Variants in KCNT1 observed in about 807,000 individuals in gnomAD.
KCNT1 encodes the protein potassium sodium-activated channel subfamily T member 1.
Under a neutral mutation model 147.8 loss-of-function variants are expected in KCNT1, and 78 were observed. The observed-to-expected ratio is 0.53, with a 90% CI of 0.44 to 0.64. The LOEUF (loss-of-function observed/expected upper bound fraction) is 0.64, where lower values mean the gene tolerates loss of function less well. Ranked by LOEUF, KCNT1 falls within the 30% of genes least tolerant of loss-of-function variation. The pLI, the probability that KCNT1 is intolerant of heterozygous loss-of-function variation, is 0.00. For missense variants in KCNT1, 1,419 were observed against 1,750.3 expected (o/e 0.81, Z 3.38); for synonymous variants, 867 against 748.8 (o/e 1.16, Z -2.58).
At chr9:135,737,634 G>T (rs1309868276) in intron 2 of KCNT1, among the ~76,000 whole-genome samples, 1 of 151,870 alleles carries the variant, frequency 6.6e-6, no homozygotes, top group African/African-American at 2.4e-5. Context: ...AGATGGGCAG[G>T]GGCCTTCCAG....
chr9:135,774,917 C>T (rs528429620), intron 19 of KCNT1, among the ~76,000 whole-genome samples: 2 of 152,162 alleles, frequency 1.3e-5, no homozygotes, highest in Admixed American at 6.5e-5. Flanking sequence ...CCTCCAGTCC[C>T]CCAAGGCCCT....
chr9:135,780,741 G>A (rs919273095), intron 24 of KCNT1, among the ~76,000 whole-genome samples: 2 of 152,160 alleles, frequency 1.3e-5, no homozygotes, highest in African/African-American at 2.4e-5. Context: ...CGGCTCAGCC[G>A]GCAGAGGGGT....
chr9:135,744,297 C>T (rs1256392368), intron 2 of KCNT1, among the ~76,000 whole-genome samples: 2 of 152,250 alleles, frequency 1.3e-5, no homozygotes, highest in East Asian at 1.9e-4. Flanking sequence ...TGTCACAGGG[C>T]GGCCGGCACT....
chr9:135,712,040 A>C (rs562303662), intron 1 of KCNT1, among the ~76,000 whole-genome samples: 1 of 152,326 alleles, frequency 6.6e-6, no homozygotes, highest in African/African-American at 2.4e-5. Context: ...ATGGGCCAGG[A>C]CTGAACTCAT....
intron 27 of KCNT1, 23 bp downstream of exon 27, chr9:135,784,912 G>A: frequency 6.2e-7 from 1 of 1,609,510 alleles, no homozygotes; most frequent in South Asian, 1.1e-5. Flanking sequence ...CCTGGGGGCT[G>A]GGACTGTGGC....
chr9:135,777,531 C>CCCACCCCGCCCACCCGGGCCCTCAGA, intron 21 of KCNT1, 21 bp downstream of exon 21: 1 of 1,554,088 alleles, frequency 6.4e-7, no homozygotes, highest in Non-Finnish European at 8.8e-7. Context: ...TGGGGCTCAG[C>CCCACCCCGCCCACCCGGGCCCTCAGA]CCACCCCGCC....
intron 1 of KCNT1, among the ~76,000 whole-genome samples, chr9:135,708,548 C>CAA (rs1564310373): frequency 3.3e-5 from 5 of 152,102 alleles, no homozygotes; most frequent in Non-Finnish European, 7.3e-5. Flanking sequence ...CAGTCACAAT[C>CAA]TTTTTTTGTT....
chr9:135,770,843 G>A lies in KCNT1; in HGVS notation c.1770-14G>A, dbSNP rs756948128. The A allele has an allele frequency of 1.6e-5, 25 of 1,555,224 alleles. No homozygotes were observed. Among genetic ancestry groups the A allele is most frequent in the East Asian group, 2.4e-5 (1 of 41,504 alleles). On this transcript the variant is annotated splice_polypyrimidine_tract_variant and intron_variant, in intron 17 of 30. Transcript: ENST00000371757. ...TGAGCGGCGGTACCTGAAGTTGCCG[G>A]TGCCTCTGCCCAGGTATGGCGTGTG...
At chr9:135,732,036 A>AGAGGGAGAGAGAGAGG (rs1836502675) in intron 2 of KCNT1, among the ~76,000 whole-genome samples, 6 of 137,254 alleles carry the variant, frequency 4.4e-5, no homozygotes, top group Non-Finnish European at 9.6e-5. Flanking sequence ...AGAGAGAGAG[A>AGAGGGAGAGAGAGAGG]GAGAGGGAGT....
At position 135,702,371 on chromosome 9, in the gene KCNT1, A is replaced by G. The variant is rs1835068202; in HGVS notation, c.110+3A>G. The G allele has an allele frequency of 1.9e-6, 3 of 1,607,660 alleles. No homozygotes were observed. Among genetic ancestry groups the G allele is most frequent in the South Asian group, 2.2e-5 (2 of 90,944 alleles). On this transcript the variant is annotated splice_donor_region_variant and intron_variant, in intron 1 of 30. Coordinates refer to ENST00000371757, the MANE Select transcript of KCNT1 (RefSeq NM_020822.3). Reference sequence around the variant, plus strand: ...GACGACGGCCAATGCGCCCCCAGGTACAGTCTGCTGCGCCCTCCCCACGCG... The same window carrying G: ...GACGACGGCCAATGCGCCCCCAGGTGCAGTCTGCTGCGCCCTCCCCACGCG...
intron 18 of KCNT1, 47 bp downstream of exon 18, chr9:135,771,142 C>T (rs776494828): frequency 3.5e-5 from 53 of 1,535,888 alleles, no homozygotes; most frequent in African/African-American, 2.0e-4. Flanking sequence ...GCTCCTTTGG[C>T]GGGAGACCAG....
chr9:135,771,009 A>C lies in KCNT1; in HGVS notation c.1922A>C (p.Glu641Ala), dbSNP rs1832718291. 1 of 1,613,608 alleles carries C rather than the reference A, an allele frequency of 6.2e-7. No homozygotes were observed. The highest frequency in any genetic ancestry group is 1.3e-5 in the African/African-American group (1 of 74,910). The change falls in exon 18 of 31, where the codon GAG (glutamate) becomes GCG (alanine). Residue 641 changes from glutamate to alanine, a missense_variant. Transcript: ENST00000371757. ...ENSAFIFKQE[E>A]KRKKRAFSGQ... ...TCGGCCTTCATCTTCAAGCAGGAGG[A>C]GAAGCGGAAGAAGAGGGCCTTCTCG...
At chr9:135,786,152 G>T in intron 28 of KCNT1, 45 bp from the exon 29 acceptor site, 2 of 1,550,750 alleles carry the variant, frequency 1.3e-6, no homozygotes, top group South Asian at 1.2e-5. Context: ...CGACCCTCCC[G>T]GCAGCCTCAC....
At chr9:135,779,312 T>A (rs770185868) in intron 23 of KCNT1, 47 bp from the exon 24 acceptor site, 3 of 1,059,536 alleles carry the variant, frequency 2.8e-6, no homozygotes, top group Middle Eastern at 2.2e-4. Context: ...CCCTGAGACC[T>A]CCTACAACCA....
chr9:135,750,824 G>T, intron 3 of KCNT1, 118 bp from the exon 4 acceptor site: 1 of 853,838 alleles, frequency 1.2e-6, no homozygotes, highest in Non-Finnish European at 1.9e-6. Flanking sequence ...TGCAGCCCGG[G>T]TGTGGGAGGG....
rs1830678900 is a variant in KCNT1 at position 135,743,847 on chromosome 9, G to A, written c.255-6251G>A. On this transcript the variant is annotated intron_variant, in intron 2 of 30. Transcript: ENST00000371757. ...TATGGGGGGGCCCCAGAGGCCCAAG[G>A]GTGTCAAAACAGGGACCCCAGGGGG... Among the ~76,000 whole-genome samples the A allele has an allele frequency of 2.0e-5, 3 of 152,246 alleles. No individual in the cohort carries two copies. The South Asian group carries it at 6.2e-4, about 31-fold the overall frequency.
At chr9:135,710,728 T>C (rs183732771) in intron 1 of KCNT1, among the ~76,000 whole-genome samples, 71 of 152,320 alleles carry the variant, frequency 4.7e-4, no homozygotes, top group African/African-American at 1.4e-3. Context: ...TCACAACTGC[T>C]GTGGCTGTTC....
chr9:135,777,967 C>T (rs964206337), intron 21 of KCNT1, among the ~76,000 whole-genome samples: 8 of 151,724 alleles, frequency 5.3e-5, no homozygotes, highest in Non-Finnish European at 1.5e-5. Context: ...CCCAGTTCCT[C>T]TGTCTCCCAG....
intron 28 of KCNT1, 59 bp from the exon 29 acceptor site, chr9:135,786,138 C>A: frequency 2.0e-6 from 3 of 1,501,820 alleles, no homozygotes; most frequent in African/African-American, 1.4e-5. Context: ...TGCCCCAAAG[C>A]CCGCGACCCT....
Sources: allele counts gnomAD v4.1 joint callset (sites outside exome capture counted in the v4.1 genomes callset), GRCh38; gene constraint gnomAD v4.1.1; transcripts MANE v1.5; gene names NCBI Gene and HGNC (gene_info 2026-07-23, HGNC 2026-07-21).